The following AMZ1 variants were observed in gnomAD, a reference collection of about 807,000 sequenced individuals.
AMZ1 encodes archaelysin family metallopeptidase 1.
A neutral mutation model predicts 29.9 loss-of-function variants in AMZ1; 39 were observed. The ratio of observed to expected loss-of-function variants is 1.30; its 90% CI spans 1.01 to 1.70. The LOEUF (loss-of-function observed/expected upper bound fraction) is 1.70, where lower values mean the gene tolerates loss of function less well. Among genes scored for constraint, AMZ1 ranks in the 40% most tolerant of loss-of-function variants. The pLI is 0.00. For synonymous variants in AMZ1, 458 were observed against 304.0 expected, an observed-to-expected ratio of 1.51 and a Z score of -5.27; for missense variants, 1,041 against 680.6, an observed-to-expected ratio of 1.53 and a Z score of -5.89.
At chr7:2,762,619 A>G (rs1290044436), upstream of AMZ1, 5 of 1,552,264 alleles carry the variant, frequency 3.2e-6, no homozygotes, top group South Asian at 6.0e-5. Context: ...CCTTCCGGAT[A>G]AGACCCCAAT....
intron 1 of AMZ1, 149 bp from the exon 2 acceptor site, chr7:2,700,085 G>A (rs1458847697): frequency 8.3e-6 from 2 of 240,340 alleles, no homozygotes; most frequent in South Asian, 1.0e-4. Flanking sequence ...TGGCAGTGCT[G>A]TGTCCTGGAG....
chr7:2,721,963 C>T (rs1393299257), downstream of AMZ1, among the ~76,000 whole-genome samples: 9 of 152,236 alleles, frequency 5.9e-5, no homozygotes, highest in South Asian at 6.2e-4. Flanking sequence ...AGTCCGGTCA[C>T]GGCATGATGG....
chr7:2,763,155 C>A (rs1290005321), upstream of AMZ1: 13 of 1,184,980 alleles, frequency 1.1e-5, no homozygotes, highest in Non-Finnish European at 1.3e-5. Flanking sequence ...GAATATTCTG[C>A]TGACAAGAGG....
At chr7:2,709,873 A>G (rs1583175476) in intron 6 of AMZ1, 57 bp downstream of exon 6, 3 of 1,589,368 alleles carry the variant, frequency 1.9e-6, no homozygotes, top group Non-Finnish European at 2.6e-6. Flanking sequence ...GAGGCCCGCG[A>G]GCGCCGCCTG....
chr7:2,687,964 C>T (rs1015927732), upstream of AMZ1, among the ~76,000 whole-genome samples: 3 of 152,180 alleles, frequency 2.0e-5, no homozygotes, highest in Admixed American at 6.5e-5. Context: ...CGAACTGGCC[C>T]GGGCTGACTG....
intron 4 of AMZ1, among the ~76,000 whole-genome samples, chr7:2,755,429 T>C (rs1394910318): frequency 2.0e-5 from 3 of 152,192 alleles, no homozygotes; most frequent in African/African-American, 7.2e-5. Context: ...CTTGAGTGTT[T>C]CGTGCTTCTT....
chr7:2,714,254 TCA>T lies in AMZ1; in HGVS notation c.*1380_*1381del, dbSNP rs1416672310. The T allele has an allele frequency of 6.6e-6, 1 of 152,320 alleles. No homozygotes were observed. Among genetic ancestry groups the T allele is most frequent in the Non-Finnish European group, 1.5e-5 (1 of 68,072 alleles). The allele number at this position is 152,320 out of a possible 1,614,324, so 9.4% of individuals were successfully genotyped here. On this transcript the variant is annotated 3_prime_UTR_variant, in exon 7 of 7. Coordinates refer to ENST00000683327, the MANE Select transcript of AMZ1 (RefSeq NM_001384743.1). ...CTTGGACCTTTTGTGGGTGGGTGGC[TCA>T]CACGGTTATGGAGGGCTTCTAAGAA...
rs1360988452 is a variant in AMZ1 at position 2,718,547 on chromosome 7, G to A, written c.*5669G>A. On this transcript the variant is annotated 3_prime_UTR_variant, in exon 7 of 7. Transcript: ENST00000683327. Reference sequence around the variant, plus strand: ...CCGCGGGCGCCCACTCACCTGGCACGTGGACGAAGGTGATGAGCGCGGCTG... The same window carrying A: ...CCGCGGGCGCCCACTCACCTGGCACATGGACGAAGGTGATGAGCGCGGCTG... Among the ~76,000 whole-genome samples, 1 of 152,244 alleles carries A rather than the reference G, an allele frequency of 6.6e-6. No homozygotes were observed. Among genetic ancestry groups the A allele is most frequent in the Non-Finnish European group, 1.5e-5 (1 of 68,040 alleles).
At chr7:2,696,479 G>A (rs369833562) in intron 1 of AMZ1, among the ~76,000 whole-genome samples, 4,868 of 150,496 alleles carry the variant, frequency 0.032, 96 homozygotes, top group Non-Finnish European at 0.054. Context: ...GGATGGTCTC[G>A]ATCTCCTGAC....
chr7:2,732,202 G>T (rs1463986729), intron 4 of AMZ1, among the ~76,000 whole-genome samples: 1 of 152,154 alleles, frequency 6.6e-6, no homozygotes, highest in Non-Finnish European at 1.5e-5. Context: ...AATTCTTTAA[G>T]TCTTTAGCGA....
rs780237584 is a variant in AMZ1 at position 2,717,490 on chromosome 7, C to T, written c.*4612C>T. On this transcript the variant is annotated 3_prime_UTR_variant, in exon 7 of 7. Coordinates refer to ENST00000683327, the MANE Select transcript of AMZ1 (RefSeq NM_001384743.1). ...AGGGCTCTCTGGAGCTCACCCCGCA[C>T]GCAGGCTGCTCCAGAGCTGAAATCT... is the stretch of plus-strand genomic sequence containing the variant. Among the ~76,000 whole-genome samples, 1 of 152,220 alleles carries T rather than the reference C, an allele frequency of 6.6e-6. No homozygotes were observed. The highest frequency in any genetic ancestry group is 1.5e-5 in the Non-Finnish European group (1 of 68,044).
chr7:2,737,269 G>GTTC (rs1790237066), intron 4 of AMZ1, among the ~76,000 whole-genome samples: 2 of 38,112 alleles, frequency 5.2e-5, no homozygotes, highest in Non-Finnish European at 1.1e-4. Flanking sequence ...TCACAGTTTT[G>GTTC]TTTTGTTTTT....
At chr7:2,741,830 C>T (rs951959653) in intron 4 of AMZ1, among the ~76,000 whole-genome samples, 4 of 150,586 alleles carry the variant, frequency 2.7e-5, no homozygotes, top group Admixed American at 6.7e-5. Flanking sequence ...AGGAGAACGC[C>T]GCAAGGATAA....
chr7:2,719,775 G>A (rs536156776), downstream of AMZ1, among the ~76,000 whole-genome samples: 28 of 151,502 alleles, frequency 1.8e-4, no homozygotes, highest in South Asian at 5.8e-3. Context: ...CTGCCTTCCA[G>A]TTTCAAGCGA....
At chr7:2,744,611 C>T (rs1419440897) in intron 4 of AMZ1, among the ~76,000 whole-genome samples, 2 of 152,170 alleles carry the variant, frequency 1.3e-5, no homozygotes, top group South Asian at 2.1e-4. Context: ...AATCAGAGCA[C>T]CTCTCCTCCT....
chr7:2,712,568 C>T lies in AMZ1; in HGVS notation c.1187C>T (p.Pro396Leu), dbSNP rs753404311. The T allele has an allele frequency of 1.4e-5, 23 of 1,611,066 alleles. No homozygotes were observed. Among genetic ancestry groups the T allele is most frequent in the Non-Finnish European group, 1.8e-5 (21 of 1,178,916 alleles). Residue 396 changes from proline (P) to leucine (L), a missense_variant, in exon 7 of 7, where the codon CCA becomes CTA. Coordinates refer to ENST00000683327, the MANE Select transcript of AMZ1 (RefSeq NM_001384743.1). ...CTGGCAGCCTCAGAGGCTCCGCTGC[C>T]ACCTGGGGGCCCTGCGGAGGCCATC... is the stretch of plus-strand genomic sequence containing the variant. ...SYLAASEAPLPPGGPAEAIKE... is the reference protein window; with the variant it reads ...SYLAASEAPLLPGGPAEAIKE...
chr7:2,749,354 C>T (rs988174562), intron 4 of AMZ1, among the ~76,000 whole-genome samples: 3 of 152,154 alleles, frequency 2.0e-5, no homozygotes, highest in African/African-American at 7.2e-5. Context: ...AGTTCTTGTC[C>T]TTTGTAGGGA....
upstream of AMZ1, among the ~76,000 whole-genome samples, chr7:2,686,156 G>T (rs560967937): frequency 1.3e-5 from 2 of 152,252 alleles, no homozygotes; most frequent in African/African-American, 4.8e-5. Flanking sequence ...GACCATCAGG[G>T]TGTGGAGACG....
chr7:2,759,459 G>A (rs987537250), intron 4 of AMZ1, among the ~76,000 whole-genome samples: 1 of 152,194 alleles, frequency 6.6e-6, no homozygotes, highest in African/African-American at 2.4e-5. Flanking sequence ...AGACAAAGTG[G>A]TTAAATAACA....
Sources: allele counts gnomAD v4.1 joint callset (sites outside exome capture counted in the v4.1 genomes callset), GRCh38; gene constraint gnomAD v4.1.1; transcripts MANE v1.5; gene names NCBI Gene and HGNC (gene_info 2026-07-23, HGNC 2026-07-21).